The following ANKRD17 variants were observed in gnomAD, a reference collection of about 807,000 sequenced individuals.
ANKRD17 encodes ankyrin repeat domain-containing protein 17.
ANKRD17 carries 19 observed loss-of-function variants against 229.7 expected under a neutral mutation model. The observed-to-expected ratio is 0.08, with a 90% CI of 0.06 to 0.12. The LOEUF is 0.12. ANKRD17 is among the 10% of genes least tolerant of loss of function. The pLI is 1.00. For missense variants in ANKRD17, 2,176 were observed against 3,176.8 expected (o/e 0.68, Z 7.57); for synonymous variants, 1,112 against 1,146.1 (o/e 0.97, Z 0.60).
intron 1 of ANKRD17, among the ~76,000 whole-genome samples, chr4:73,187,614 T>C (rs915407395): frequency 6.6e-6 from 1 of 152,224 alleles, no homozygotes. Flanking sequence ...AAAAATTCTG[T>C]AAGGAGGCCT....
Position 73,098,224 on chromosome 4 carries a change from C to G in ANKRD17, c.4870G>C (p.Asp1624His), listed in dbSNP as rs1290723759. Residue 1624 changes from aspartate to histidine, a missense_variant, in exon 26 of 34, where the codon GAT becomes CAT. Coordinates refer to ENST00000358602, the MANE Select transcript of ANKRD17 (RefSeq NM_032217.5). ...SDNMRISSCS[D>H]ESSNSNSSRK... ...CTGCTGTTGCTGTTACTACTTTCAT[C>G]GCTGCAGCTGGAAATCCTCATGTTA... 1.2e-6 allele frequency: 2 copies of G among 1,614,176 alleles called. No individual in the cohort carries two copies. Among genetic ancestry groups the G allele is most frequent in the Non-Finnish European group, 1.7e-6 (2 of 1,180,044 alleles).
chr4:73,126,995 T>G (rs191282538), intron 16 of ANKRD17, among the ~76,000 whole-genome samples: 1 of 151,814 alleles, frequency 6.6e-6, no homozygotes, highest in African/African-American at 2.4e-5. Context: ...TATTTAACTT[T>G]AATTTAAATG....
rs1428393297 is a variant in ANKRD17, at chr4:73,222,845, G to C, written c.393+35431C>G. On this transcript the variant is annotated intron_variant, in intron 1 of 33. Transcript: ENST00000358602. Reference sequence around the variant, plus strand: ...ATTCTCACACGGAATAGGTCTGACCGTGTCTTGCTTTTATGCTCTGCTTCT... The same window carrying C: ...ATTCTCACACGGAATAGGTCTGACCCTGTCTTGCTTTTATGCTCTGCTTCT... The C allele has an allele frequency of 1.1e-5, 8 of 731,600 alleles. No individual in the cohort carries two copies. The Admixed American group carries it at 1.5e-4, about 14-fold the overall frequency. 45.3% of individuals were successfully genotyped at this position (731,600 alleles called of 1,614,324 possible).
rs1237941350 is a variant in ANKRD17 at position 73,226,433 on chromosome 4, C to T, written c.393+31843G>A. 8.7e-4 allele frequency among the ~76,000 whole-genome samples: 97 copies of T among 111,134 alleles called. 1 individual carries two copies. The highest frequency in any genetic ancestry group is 3.3e-3 in the Admixed American group (23 of 6,960). The allele number at this position is 111,134 out of a possible 152,430, so 72.9% of individuals were successfully genotyped here. ...TTTTTGAGACGGAGTCTCGCACTGT[C>T]GCCTGGGGTGGAGTGCAGTGGTGCA... On this transcript the variant is annotated intron_variant, in intron 1 of 33. Transcript: ENST00000358602.
At chr4:73,247,339 C>A (rs923195060) in intron 1 of ANKRD17, among the ~76,000 whole-genome samples, 1 of 152,028 alleles carries the variant, frequency 6.6e-6, no homozygotes, top group African/African-American at 2.4e-5. Context: ...TTAACATGTG[C>A]ATACTCTAGC....
rs191304594 is a variant in ANKRD17, at chr4:73,252,874, T to C, written c.393+5402A>G. Among the ~76,000 whole-genome samples, 378 of 152,324 alleles carry C rather than the reference T, an allele frequency of 2.5e-3. 1 individual carries two copies. The highest frequency in any genetic ancestry group is 4.2e-3 in the Non-Finnish European group (283 of 68,026). ...TTTTCTGTATTTCTTGCTTTCTTTT[T>C]CTTTAGTGAGTTTTTCAGAAGAACT... On this transcript the variant is annotated intron_variant, in intron 1 of 33. Transcript: ENST00000358602.
intron 1 of ANKRD17, among the ~76,000 whole-genome samples, chr4:73,256,951 C>CA: frequency 6.6e-6 from 1 of 152,216 alleles, no homozygotes; most frequent in East Asian, 1.9e-4. Flanking sequence ...TGGTCTTCTA[C>CA]AAATAGACAT....
At chr4:73,126,003 G>A (rs536214658) in intron 16 of ANKRD17, among the ~76,000 whole-genome samples, 1 of 152,300 alleles carries the variant, frequency 6.6e-6, no homozygotes, top group South Asian at 2.1e-4. Context: ...CAGTGCAGAA[G>A]AGTGATCTCT....
chr4:73,099,034 G>A, intron 25 of ANKRD17: 1 of 993,584 alleles, frequency 1.0e-6, no homozygotes, highest in Admixed American at 1.8e-5. Context: ...GAGCTGCCAA[G>A]ACCCGGAAAA....
At chr4:73,120,533 C>T (rs556284776) in intron 20 of ANKRD17, among the ~76,000 whole-genome samples, 196 bp from the exon 21 acceptor site, 10 of 133,384 alleles carry the variant, frequency 7.5e-5, no homozygotes, top group South Asian at 2.5e-4. Context: ...CTAATCTCAA[C>T]GGTATTGCAA....
rs113580486 is a variant in ANKRD17 at position 73,121,547 on chromosome 4, A to T, written c.3635+70T>A. On this transcript the variant is annotated intron_variant, in intron 19 of 33. Coordinates refer to ENST00000358602, the MANE Select transcript of ANKRD17 (RefSeq NM_032217.5). ...GATTTACTAAATTTGGCACTAAAAA[A>T]TAGGTGTTCTACAAATATCTATAAC... 1.8e-4 allele frequency: 283 copies of T among 1,577,036 alleles called. 1 individual carries two copies. The African/African-American group carries it at 2.8e-3, about 16-fold the overall frequency.
intron 25 of ANKRD17, chr4:73,101,188 G>C (rs1389344506): frequency 3.1e-6 from 3 of 965,954 alleles, no homozygotes; most frequent in East Asian, 2.3e-4. Context: ...GGATATAAAG[G>C]GACAGGATTA....
At chr4:73,232,517 G>A (rs1032863968) in intron 1 of ANKRD17, among the ~76,000 whole-genome samples, 1 of 152,164 alleles carries the variant, frequency 6.6e-6, no homozygotes, top group Admixed American at 6.5e-5. Context: ...AATCGAGCAT[G>A]TAAGCCAGTC....
At chr4:73,104,739 T>C (rs1268241664) in intron 24 of ANKRD17, among the ~76,000 whole-genome samples, 1 of 151,924 alleles carries the variant, frequency 6.6e-6, no homozygotes, top group Non-Finnish European at 1.5e-5. Flanking sequence ...TTATGACTGC[T>C]ATTTAAGCGG....
chr4:73,227,463 T>C (rs942658009), intron 1 of ANKRD17, among the ~76,000 whole-genome samples: 1 of 152,146 alleles, frequency 6.6e-6, no homozygotes, highest in African/African-American at 2.4e-5. Flanking sequence ...TCAACCTAAT[T>C]TTATAGGCAA....
chr4:73,106,438 A>C (rs185764270), intron 24 of ANKRD17, among the ~76,000 whole-genome samples: 124 of 152,200 alleles, frequency 8.1e-4, no homozygotes, highest in Non-Finnish European at 1.5e-3. Context: ...ATGAAAGTGA[A>C]TGGGATATGT....
rs542075525 is a variant in ANKRD17, at chr4:73,242,496, G to A, written c.393+15780C>T. 2.0e-5 allele frequency among the ~76,000 whole-genome samples: 3 copies of A among 152,174 alleles called. No homozygotes were observed. The South Asian group carries it at 6.2e-4, about 32-fold the overall frequency. Reference sequence around the variant, plus strand: ...AAATACATAAGTATGCCATGTTTCCGAATGGGAATATTCAGTATTATACAT... The same window carrying A: ...AAATACATAAGTATGCCATGTTTCCAAATGGGAATATTCAGTATTATACAT... On this transcript the variant is annotated intron_variant, in intron 1 of 33. Coordinates refer to ENST00000358602, the MANE Select transcript of ANKRD17 (RefSeq NM_032217.5).
At chr4:73,254,857 A>G (rs951381005) in intron 1 of ANKRD17, among the ~76,000 whole-genome samples, 9 of 152,228 alleles carry the variant, frequency 5.9e-5, no homozygotes, top group Non-Finnish European at 1.2e-4. Flanking sequence ...TTTCTAAAAT[A>G]AAGTATCAAC....
chr4:73,158,804 A>G (rs1732117304), intron 3 of ANKRD17, among the ~76,000 whole-genome samples: 1 of 152,230 alleles, frequency 6.6e-6, no homozygotes, highest in Non-Finnish European at 1.5e-5. Context: ...GAGAAACCTG[A>G]ACTAGCACAC....
Sources: gnomAD v4.1 joint callset for allele counts (sites outside exome capture counted in the v4.1 genomes callset) on GRCh38, gnomAD v4.1.1 for gene constraint, MANE v1.5 for transcripts, NCBI Gene and HGNC (gene_info 2026-07-23, HGNC 2026-07-21) for gene names.